The following PDE4B variants were observed in gnomAD, a reference collection of about 807,000 sequenced individuals.
PDE4B encodes the protein 3',5'-cyclic-AMP phosphodiesterase 4B.
PDE4B carries 20 observed loss-of-function variants against 82.2 expected under a neutral mutation model. That is an observed-to-expected ratio of 0.24 (90% CI 0.17 to 0.35). PDE4B has a LOEUF of 0.35. PDE4B is among the 10% of genes least tolerant of loss of function. PDE4B has a pLI of 1.00. For missense variants in PDE4B, 655 were observed against 907.2 expected, an observed-to-expected ratio of 0.72 and a Z score of 3.57; for synonymous variants, 320 against 318.9, an observed-to-expected ratio of 1.00 and a Z score of -0.04.
intron 3 of PDE4B, among the ~76,000 whole-genome samples, chr1:66,073,980 G>A (rs541168760): frequency 2.8e-4 from 42 of 152,232 alleles, no homozygotes; most frequent in African/African-American, 9.6e-4. Context: ...CTTTAATGTC[G>A]AGTGCAGTGT....
At chr1:66,090,152 CA>C (rs1644983140) in intron 3 of PDE4B, among the ~76,000 whole-genome samples, 1 of 151,714 alleles carries the variant, frequency 6.6e-6, no homozygotes, top group South Asian at 2.1e-4. Context: ...ATACAGATAA[CA>C]AAACTGTAGA....
At chr1:66,324,809 G>A (rs1324865079) in intron 7 of PDE4B, among the ~76,000 whole-genome samples, 1 of 152,170 alleles carries the variant, frequency 6.6e-6, no homozygotes, top group African/African-American at 2.4e-5. Flanking sequence ...GCATTGCAGT[G>A]TGTACATGTT....
intron 1 of PDE4B, among the ~76,000 whole-genome samples, chr1:65,843,400 C>T (rs1228054402): frequency 6.6e-6 from 1 of 152,118 alleles, no homozygotes; most frequent in African/African-American, 2.4e-5. Context: ...CTTTCCTTCC[C>T]CAAGGTACAG....
Position 65,819,344 on chromosome 1 carries a change from T to C in PDE4B, c.-71+26096T>C, listed in dbSNP as rs940216616. 2.6e-5 allele frequency among the ~76,000 whole-genome samples: 4 copies of C among 152,278 alleles called. No individual in the cohort carries two copies. The South Asian group carries it at 8.3e-4, about 32-fold the overall frequency. ...ATTGTAGGTCTCAGTATATGGTGATTGCATGATTGAATGTCAGAAGGCTTG... is the reference window on the plus strand; with the variant it reads ...ATTGTAGGTCTCAGTATATGGTGATCGCATGATTGAATGTCAGAAGGCTTG... On this transcript the variant is annotated intron_variant, in intron 1 of 16. Coordinates refer to ENST00000341517, the MANE Select transcript of PDE4B (RefSeq NM_002600.4).
At chr1:66,216,648 C>T (rs1650488353) in intron 3 of PDE4B, among the ~76,000 whole-genome samples, 1 of 152,120 alleles carries the variant, frequency 6.6e-6, no homozygotes, top group Non-Finnish European at 1.5e-5. Flanking sequence ...TCTTAAGACA[C>T]CTCTGAAAGT....
At chr1:66,291,661 G>C (rs1391357173) in intron 7 of PDE4B, among the ~76,000 whole-genome samples, 1 of 152,138 alleles carries the variant, frequency 6.6e-6, no homozygotes, top group Non-Finnish European at 1.5e-5. Flanking sequence ...CCTATGTTAA[G>C]AGAATTTCCC....
chr1:66,172,579 G>C (rs1009535741), intron 3 of PDE4B, among the ~76,000 whole-genome samples: 2 of 149,660 alleles, frequency 1.3e-5, no homozygotes, highest in East Asian at 1.9e-4. Context: ...CAATATATAA[G>C]TGTTCCCTTT....
chr1:66,151,325 T>G, intron 3 of PDE4B, among the ~76,000 whole-genome samples: 1 of 152,320 alleles, frequency 6.6e-6, no homozygotes, highest in Middle Eastern at 3.4e-3. Flanking sequence ...CTCATTAGTC[T>G]GGTTAATGGC....
chr1:65,922,775 C>T (rs192473764), intron 3 of PDE4B, among the ~76,000 whole-genome samples: 26 of 152,206 alleles, frequency 1.7e-4, no homozygotes, highest in Non-Finnish European at 2.8e-4. Flanking sequence ...GTGAGTAAGG[C>T]GGCAGAAAGA....
intron 3 of PDE4B, among the ~76,000 whole-genome samples, chr1:66,184,842 AC>A (rs1470219386): frequency 7.1e-6 from 1 of 141,408 alleles, no homozygotes; most frequent in African/African-American, 2.6e-5. Flanking sequence ...GCCCCAGTTT[AC>A]TTTTTTTTAT....
In PDE4B at chr1:66,155,834, C is replaced by T. The variant is rs890806861; in HGVS notation, c.282-91626C>T. ...AACACATGAATCAAACCATGATATTCCCTGCTTAAAATCATTACTGACATT... is the reference window on the plus strand; with the variant it reads ...AACACATGAATCAAACCATGATATTTCCTGCTTAAAATCATTACTGACATT... On this transcript the variant is annotated intron_variant, in intron 3 of 16. Coordinates refer to ENST00000341517, the MANE Select transcript of PDE4B (RefSeq NM_002600.4). Among the ~76,000 whole-genome samples, 3 of 152,104 alleles carry T rather than the reference C, an allele frequency of 2.0e-5. No homozygotes were observed. The South Asian group carries it at 6.2e-4, about 32-fold the overall frequency.
At chr1:66,283,927 T>C (rs1313337726) in intron 7 of PDE4B, among the ~76,000 whole-genome samples, 1 of 152,122 alleles carries the variant, frequency 6.6e-6, no homozygotes, top group Non-Finnish European at 1.5e-5. Flanking sequence ...ACTTTCTCAT[T>C]GACTCATTCA....
At chr1:66,278,182 T>C (rs1656033549) in intron 7 of PDE4B, among the ~76,000 whole-genome samples, 1 of 152,206 alleles carries the variant, frequency 6.6e-6, no homozygotes, top group South Asian at 2.1e-4. Flanking sequence ...AGAGAGGTAG[T>C]GCAATAAATT....
intron 7 of PDE4B, among the ~76,000 whole-genome samples, chr1:66,323,075 T>C (rs1004691871): frequency 2.6e-5 from 4 of 152,162 alleles, no homozygotes; most frequent in African/African-American, 9.6e-5. Context: ...AGAGGGATCT[T>C]TTTAAAATCC....
chr1:65,907,956 C>T (rs896560429), intron 1 of PDE4B, among the ~76,000 whole-genome samples: 1 of 152,138 alleles, frequency 6.6e-6, no homozygotes, highest in Non-Finnish European at 1.5e-5. Context: ...TCTCGTACCT[C>T]GCTCTGAGGC....
intron 3 of PDE4B, among the ~76,000 whole-genome samples, chr1:65,943,737 A>G (rs1648562676): frequency 1.3e-5 from 2 of 151,776 alleles, no homozygotes; most frequent in Admixed American, 6.6e-5. Flanking sequence ...TTTCTAAGTA[A>G]TATTTTTGTA....
chr1:66,345,067 C>G (rs569984992), intron 8 of PDE4B, among the ~76,000 whole-genome samples: 2 of 152,252 alleles, frequency 1.3e-5, no homozygotes, highest in Admixed American at 6.5e-5. Context: ...CCTGTGTTCT[C>G]GTATGACACT....
At chr1:65,825,732 A>G (rs1160005752) in intron 1 of PDE4B, among the ~76,000 whole-genome samples, 1 of 151,630 alleles carries the variant, frequency 6.6e-6, no homozygotes, top group Non-Finnish European at 1.5e-5. Context: ...CTATCTATCT[A>G]TCTATCTATC....
intron 3 of PDE4B, among the ~76,000 whole-genome samples, chr1:66,158,242 G>A (rs114912572): frequency 0.011 from 1,628 of 152,280 alleles, 28 homozygotes; most frequent in African/African-American, 0.037. Flanking sequence ...CTACTGCACA[G>A]CAACAGAAAC....
Sources: allele counts gnomAD v4.1 joint callset (sites outside exome capture counted in the v4.1 genomes callset), GRCh38; gene constraint gnomAD v4.1.1; transcripts MANE v1.5; gene names NCBI Gene and HGNC (gene_info 2026-07-23, HGNC 2026-07-21).